PPFIA3: variants seen among roughly 807,000 people sequenced by gnomAD.
PPFIA3 encodes the protein PPFI scaffold protein A3.
A neutral mutation model predicts 145.8 loss-of-function variants in PPFIA3; 26 were observed. The observed-to-expected ratio is 0.18, with a 90% confidence interval of 0.13 to 0.25. PPFIA3 has a LOEUF of 0.25. Ranked by LOEUF, PPFIA3 falls within the 10% of genes least tolerant of loss-of-function variation. The probability of loss-of-function intolerance (pLI) is 1.00; values close to 1 mark genes in which losing one functional copy is unlikely to be tolerated. For synonymous variants in PPFIA3, 645 were observed against 661.4 expected (o/e 0.98, Z 0.38); for missense variants, 1,008 against 1,587.8 (o/e 0.63, Z 6.21).
intron 1 of PPFIA3, among the ~76,000 whole-genome samples, 176 bp downstream of exon 1, chr19:49,119,898 G>A (rs1339311271): frequency 6.6e-6 from 1 of 151,232 alleles, no homozygotes; most frequent in Non-Finnish European, 1.5e-5. Context: ...CAGAGTCCCC[G>A]ACCGAACCCT....
chr19:49,148,555 C>T, intron 24 of PPFIA3, 111 bp from the exon 25 acceptor site: 1 of 891,434 alleles, frequency 1.1e-6, no homozygotes, highest in South Asian at 1.5e-5. Context: ...TAGAACTTAT[C>T]AGCTCCCCAC....
At position 49,139,676 on chromosome 19, in the gene PPFIA3, C is replaced by A. The variant is rs757942728; in HGVS notation, c.2085C>A (p.Val695=). Residue 695 remains valine (V), a synonymous_variant, in exon 17 of 30, where the codon GTC becomes GTA. Coordinates refer to ENST00000334186, the MANE Select transcript of PPFIA3 (RefSeq NM_003660.4). ...AREGTDKANH[V]PKEEAGAPRG... The stretch of plus-strand genomic sequence containing the variant: ...GTGCCCTCTGTCCTCAGAATCATGT[C>A]CCTAAGGAGGAAGCTGGAGCTCCAC... The A allele has an allele frequency of 1.2e-6, 2 of 1,600,440 alleles. No individual in the cohort carries two copies. The highest frequency in any genetic ancestry group is 1.7e-6 in the Non-Finnish European group (2 of 1,173,350).
At chr19:49,137,033 C>T (rs1800245708) in intron 15 of PPFIA3, 122 bp downstream of exon 15, 1 of 984,738 alleles carries the variant, frequency 1.0e-6, no homozygotes, top group Non-Finnish European at 1.4e-6. Flanking sequence ...AGGAATTCTT[C>T]CAGCCCAACA....
chr19:49,145,302 C>A (rs982219060), intron 21 of PPFIA3, among the ~76,000 whole-genome samples: 2 of 152,324 alleles, frequency 1.3e-5, no homozygotes, highest in East Asian at 1.9e-4. Flanking sequence ...CCGCCTCAGC[C>A]TCCCAAAGTG....
chr19:49,123,372 C>T lies in PPFIA3; in HGVS notation c.-16+3650C>T, dbSNP rs1349604772. ...ATTGGATCTCATTATGTTACTGAGG[C>T]GATCCTCTCACCTTGGCCTTCCAAA... On this transcript the variant is annotated intron_variant, in intron 1 of 29. Transcript: ENST00000334186. Among the ~76,000 whole-genome samples, 9 of 151,978 alleles carry T rather than the reference C, an allele frequency of 5.9e-5. No homozygotes were observed. The South Asian group carries it at 1.5e-3, about 25-fold the overall frequency.
At position 49,126,410 on chromosome 19, in the gene PPFIA3, G is replaced by A. The variant is rs952306408; in HGVS notation, c.-15-1449G>A. Among the ~76,000 whole-genome samples the A allele has an allele frequency of 1.5e-4, 23 of 152,012 alleles. No individual in the cohort carries two copies. In the South Asian group the frequency reaches 1.9e-3, roughly 12 times the overall value. ...ACTACAGGTGCATGCCACCATGCCC[G>A]GCTAATTTTTTTTGTATTTTTAGTA... On this transcript the variant is annotated intron_variant, in intron 1 of 29. Transcript: ENST00000334186.
rs1460274514 is a variant in PPFIA3 at position 49,141,404 on chromosome 19, C to A, written c.2369-16C>A. ...CCCTTGAGATTTTCCAAATTTCGAC[C>A]CCTCCCTGCCTCCAGCTGGAACACC... On this transcript the variant is annotated splice_polypyrimidine_tract_variant and intron_variant, in intron 18 of 29. Transcript: ENST00000334186. 8.1e-6 allele frequency: 13 copies of A among 1,609,326 alleles called. No homozygotes were observed. The highest frequency in any genetic ancestry group is 9.3e-6 in the Non-Finnish European group (11 of 1,176,584).
intron 23 of PPFIA3, chr19:49,146,484 C>G: frequency 2.0e-6 from 1 of 504,678 alleles, no homozygotes; most frequent in Non-Finnish European, 3.5e-6. Context: ...TCAGGAGAGA[C>G]TGAGCAGCCG....
At position 49,128,365 on chromosome 19, in the gene PPFIA3, A is replaced by G; in HGVS notation, c.241-2A>G. 6.2e-7 allele frequency: 1 copy of G among 1,614,028 alleles called. No individual in the cohort carries two copies. The highest frequency in any genetic ancestry group is 8.5e-7 in the Non-Finnish European group (1 of 1,179,922). The stretch of plus-strand genomic sequence containing the variant: ...GTCCAGATCCTGCCAATGTCTGGAC[A>G]GGAGTTTGCAGCTCTGACGAAGGAG... On this transcript the variant is annotated splice_acceptor_variant, in intron 2 of 29. Transcript: ENST00000334186. LOFTEE classifies it high-confidence loss of function. The surrounding 1 kb of genome is among the most constrained non-coding windows in gnomAD (Gnocchi z 4.1).
At position 49,149,423 on chromosome 19, in the gene PPFIA3, G is replaced by A. The variant is rs2041317469; in HGVS notation, c.3354+98G>A. The A allele has an allele frequency of 3.8e-6, 6 of 1,587,650 alleles. No homozygotes were observed. The highest frequency in any genetic ancestry group is 5.2e-6 in the Non-Finnish European group (6 of 1,157,378). On this transcript the variant is annotated intron_variant, in intron 27 of 29. Transcript: ENST00000334186. The surrounding 1 kb of genome is among the most constrained non-coding windows in gnomAD (Gnocchi z 5.7). ...CTGACTATTAATGGTCACGGTTGGAGGCGGGGCCAGGAGAGGGGCGGGGTT... is the reference window on the plus strand; with the variant it reads ...CTGACTATTAATGGTCACGGTTGGAAGCGGGGCCAGGAGAGGGGCGGGGTT...
At chr19:49,139,345 C>T (rs889369307) in intron 16 of PPFIA3, among the ~76,000 whole-genome samples, 7 of 151,060 alleles carry the variant, frequency 4.6e-5, no homozygotes, top group Non-Finnish European at 7.4e-5. Flanking sequence ...AAAAATTACC[C>T]GGGCATGGTG....
rs2041198284 is a variant in PPFIA3, at chr19:49,140,025, C to T, written c.2305C>T (p.Arg769Cys). The change falls in exon 18 of 30, where the codon CGT (arginine) becomes TGT (cysteine). Residue 769 changes from arginine to cysteine, a missense_variant. Transcript: ENST00000334186. ...KKKSIKSSIG[R>C]LFGKKEKGRM... ...GAAGAGCATCAAGTCATCCATAGGCCGTCTCTTTGGCAAGAAAGAGAAGGG... is the reference window on the plus strand; with the variant it reads ...GAAGAGCATCAAGTCATCCATAGGCTGTCTCTTTGGCAAGAAAGAGAAGGG... 1 of 1,614,148 alleles carries T rather than the reference C, an allele frequency of 6.2e-7. No individual in the cohort carries two copies. The highest frequency in any genetic ancestry group is 8.5e-7 in the Non-Finnish European group (1 of 1,180,030).
Position 49,149,936 on chromosome 19 carries a change from C to A in PPFIA3, c.3527-144C>A. On this transcript the variant is annotated intron_variant, in intron 28 of 29. Coordinates refer to ENST00000334186, the MANE Select transcript of PPFIA3 (RefSeq NM_003660.4). The surrounding 1 kb of genome is among the most constrained non-coding windows in gnomAD (Gnocchi z 5.7). ...GAACTCGCCCAATGCGAGTTTGAGTCCTTGGCTGCGGGGAAGGGAGGGAAA... is the reference window on the plus strand; with the variant it reads ...GAACTCGCCCAATGCGAGTTTGAGTACTTGGCTGCGGGGAAGGGAGGGAAA... 8.5e-7 allele frequency: 1 copy of A among 1,175,968 alleles called. No individual in the cohort carries two copies. The highest frequency in any genetic ancestry group is 1.2e-6 in the Non-Finnish European group (1 of 838,088). 72.8% of individuals were successfully genotyped at this position (1,175,968 alleles called of 1,614,324 possible).
At chr19:49,148,436 T>C (rs1341305815) in intron 24 of PPFIA3, 178 bp downstream of exon 24, 2 of 830,334 alleles carry the variant, frequency 2.4e-6, no homozygotes, top group Non-Finnish European at 3.7e-6. Flanking sequence ...CAGGAAAAGT[T>C]CAGATCCTGA....
Position 49,142,043 on chromosome 19 carries a change from C to T in PPFIA3, c.2472C>T (p.Leu824=), listed in dbSNP as rs553248701. Residue 824 remains leucine, a synonymous_variant, in exon 20 of 30, where the codon CTC becomes CTT. Transcript: ENST00000334186. ...KDRRNKRKHE[L]LEEACRQGLP... ...CCCTTCACCCTTACAGGCATGAACT[C>T]CTGGAGGAGGCCTGCCGCCAGGGCC... 2.2e-5 allele frequency: 34 copies of T among 1,568,370 alleles called. 1 individual carries two copies. The South Asian group carries it at 3.6e-4, about 17-fold the overall frequency.
Position 49,130,199 on chromosome 19 carries a change from C to T in PPFIA3, c.657+132C>T. 8.4e-7 allele frequency: 1 copy of T among 1,184,448 alleles called. No homozygotes were observed. The highest frequency in any genetic ancestry group is 1.2e-6 in the Non-Finnish European group (1 of 852,832). 73.4% of individuals were successfully genotyped at this position (1,184,448 alleles called of 1,614,324 possible). On this transcript the variant is annotated intron_variant, in intron 6 of 29. Coordinates refer to ENST00000334186, the MANE Select transcript of PPFIA3 (RefSeq NM_003660.4). The surrounding 1 kb of genome is among the most constrained non-coding windows in gnomAD (Gnocchi z 4.5). ...CTGTAAGAGTGTCACAGAGCTTGGA[C>T]CTCTGATTCAGGTCACCTAGCGAAC...
rs1412481302 is a variant in PPFIA3 at position 49,142,777 on chromosome 19, CTCTGTCCCTCTGTCCCT to C, written c.2545-26_2545-10del. On this transcript the variant is annotated splice_polypyrimidine_tract_variant and intron_variant, in intron 20 of 29. Coordinates refer to ENST00000334186, the MANE Select transcript of PPFIA3 (RefSeq NM_003660.4). ...TTCTCCTCCTCTGTCCCTCTGTCCC[CTCTGTCCCTCTGTCCCT>C]CCGCTGCAGCTGTGGGTGGGCATGC... is the stretch of plus-strand genomic sequence containing the variant. 6.2e-7 allele frequency: 1 copy of C among 1,605,210 alleles called. No individual in the cohort carries two copies. The highest frequency in any genetic ancestry group is 8.5e-7 in the Non-Finnish European group (1 of 1,173,540).
chr19:49,124,555 T>C (rs1225843706), intron 1 of PPFIA3, among the ~76,000 whole-genome samples: 3 of 152,218 alleles, frequency 2.0e-5, no homozygotes, highest in Admixed American at 2.0e-4. Context: ...CAGAACTTAG[T>C]TCTAGATTAC....
intron 5 of PPFIA3, 111 bp from the exon 6 acceptor site, chr19:49,129,873 AGCACGACCG>A: frequency 9.6e-7 from 1 of 1,040,124 alleles, no homozygotes; most frequent in Non-Finnish European, 1.4e-6. Flanking sequence ...GCATGGCCCC[AGCACGACCG>A]GAGGCATCTC....
Sources: allele counts gnomAD v4.1 joint callset (sites outside exome capture counted in the v4.1 genomes callset), GRCh38; gene constraint gnomAD v4.1.1; non-coding constraint Gnocchi (gnomAD v3.1); transcripts MANE v1.5; gene names NCBI Gene and HGNC (gene_info 2026-07-23, HGNC 2026-07-21).